Variants in TAFA5 observed in about 807,000 individuals in gnomAD.
TAFA5 encodes chemokine-like protein TAFA-5.
Under a neutral mutation model 15.3 loss-of-function variants are expected in TAFA5, and 6 were observed. The ratio of observed to expected loss-of-function variants is 0.39; its 90% CI spans 0.21 to 0.77. TAFA5 has a LOEUF of 0.77. Among genes scored for constraint, TAFA5 ranks in the 30% least tolerant of loss-of-function variants. TAFA5 has a pLI of 0.41. For synonymous variants in TAFA5, 103 were observed against 80.7 expected (o/e 1.28, Z -1.48); for missense variants, 161 against 193.1 (o/e 0.83, Z 0.98).
In TAFA5 at chr22:48,516,907, G is replaced by A. The variant is rs568263835; in HGVS notation, c.112+27203G>A. On this transcript the variant is annotated intron_variant, in intron 1 of 3. Coordinates refer to ENST00000402357, the MANE Select transcript of TAFA5 (RefSeq NM_001082967.3). ...CCATCCAGGTCCTGCTCTCAGAGGGGTCTGGCTGCCCTTACAGACTTTCAA... is the reference window on the plus strand; with the variant it reads ...CCATCCAGGTCCTGCTCTCAGAGGGATCTGGCTGCCCTTACAGACTTTCAA... 1.2e-4 allele frequency among the ~76,000 whole-genome samples: 18 copies of A among 152,318 alleles called. No individual in the cohort carries two copies. In the South Asian group the frequency reaches 3.5e-3, roughly 30 times the overall value.
rs547143970 is a variant in TAFA5 at position 48,574,287 on chromosome 22, C to T, written c.113-72310C>T. 7.8e-4 allele frequency among the ~76,000 whole-genome samples: 119 copies of T among 152,106 alleles called. No homozygotes were observed. In the Middle Eastern group the frequency reaches 0.01, roughly 13 times the overall value. On this transcript the variant is annotated intron_variant, in intron 1 of 3. Transcript: ENST00000402357. ...CATTCTTGTCTCTCCTGGATGTTTT[C>T]GGGGGCAGGTGGAGGGTGATGAGCC... is the stretch of plus-strand genomic sequence containing the variant.
chr22:48,527,940 A>G (rs1324975451), intron 1 of TAFA5, among the ~76,000 whole-genome samples: 1 of 152,202 alleles, frequency 6.6e-6, no homozygotes, highest in East Asian at 1.9e-4. Context: ...GCTCTTCTTC[A>G]GGCACTTCTG....
At chr22:48,666,005 C>T (rs115867107) in intron 2 of TAFA5, among the ~76,000 whole-genome samples, 2,923 of 145,744 alleles carry the variant, frequency 0.02, 48 homozygotes, top group Admixed American at 0.039. Context: ...CCCATGGGAA[C>T]GAGGGGCCTG....
intron 1 of TAFA5, among the ~76,000 whole-genome samples, chr22:48,532,269 C>T (rs138382665): frequency 7.2e-5 from 11 of 152,348 alleles, no homozygotes; most frequent in African/African-American, 2.6e-4. Flanking sequence ...TAGGAGATTA[C>T]GGAGGCCGCA....
chr22:48,670,140 C>G (rs1927755413), intron 2 of TAFA5, among the ~76,000 whole-genome samples: 2 of 152,206 alleles, frequency 1.3e-5, no homozygotes, highest in Non-Finnish European at 2.9e-5. Flanking sequence ...GGACAGCTCT[C>G]CGGGCTGTGC....
intron 3 of TAFA5, among the ~76,000 whole-genome samples, chr22:48,718,513 C>A (rs1022748941): frequency 6.6e-6 from 1 of 152,116 alleles, no homozygotes; most frequent in Non-Finnish European, 1.5e-5. Context: ...TCCTCCCGTG[C>A]GACCTGTGTC....
chr22:48,701,917 C>T (rs748090899), intron 2 of TAFA5, among the ~76,000 whole-genome samples: 13 of 152,214 alleles, frequency 8.5e-5, no homozygotes, highest in East Asian at 1.9e-4. Context: ...GCAGCGGCTG[C>T]GTCATCCCGG....
At chr22:48,745,253 C>T (rs1012360398) in intron 3 of TAFA5, among the ~76,000 whole-genome samples, 15 of 151,556 alleles carry the variant, frequency 9.9e-5, no homozygotes, top group African/African-American at 1.5e-4. Context: ...TTGTCGGCGG[C>T]GGCTGGCCTG....
At chr22:48,496,719 G>A (rs1159953411) in intron 1 of TAFA5, among the ~76,000 whole-genome samples, 2 of 152,188 alleles carry the variant, frequency 1.3e-5, no homozygotes, top group African/African-American at 4.8e-5. Flanking sequence ...CAGGTGCACC[G>A]CAGGGAGAGT....
At position 48,592,894 on chromosome 22, in the gene TAFA5, A is replaced by G. The variant is rs774286148; in HGVS notation, c.113-53703A>G. 7.7e-4 allele frequency among the ~76,000 whole-genome samples: 117 copies of G among 152,140 alleles called. 1 individual carries two copies. The highest frequency in any genetic ancestry group is 6.5e-4 in the Admixed American group (10 of 15,268). ...CGTGGTGGTCCCAGGGGTCTCTCAG[A>G]AAGACACCTACCTGGGGACAGAGGG... On this transcript the variant is annotated intron_variant, in intron 1 of 3. Coordinates refer to ENST00000402357, the MANE Select transcript of TAFA5 (RefSeq NM_001082967.3).
chr22:48,582,541 A>G (rs1415207712), intron 1 of TAFA5, among the ~76,000 whole-genome samples: 5 of 151,240 alleles, frequency 3.3e-5, no homozygotes, highest in African/African-American at 1.2e-4. Flanking sequence ...AAAATACACC[A>G]CATACCACAC....
At chr22:48,517,339 C>T (rs1601844339) in intron 1 of TAFA5, among the ~76,000 whole-genome samples, 1 of 152,198 alleles carries the variant, frequency 6.6e-6, no homozygotes, top group Non-Finnish European at 1.5e-5. Flanking sequence ...GGTCCCAGGT[C>T]CTGGGTCCCT....
intron 1 of TAFA5, among the ~76,000 whole-genome samples, chr22:48,603,380 C>A (rs2147167014): frequency 6.6e-6 from 1 of 152,372 alleles, no homozygotes; most frequent in Non-Finnish European, 1.5e-5. Context: ...CACGGCACCA[C>A]CACGCTGGGC....
chr22:48,528,766 C>T (rs1453205116), intron 1 of TAFA5, among the ~76,000 whole-genome samples: 3 of 152,208 alleles, frequency 2.0e-5, no homozygotes, highest in Non-Finnish European at 4.4e-5. Flanking sequence ...GGCCGGTGGG[C>T]GGGGCCCCAC....
At chr22:48,623,795 G>C (rs1424814953) in intron 1 of TAFA5, among the ~76,000 whole-genome samples, 4 of 152,200 alleles carry the variant, frequency 2.6e-5, no homozygotes, top group Non-Finnish European at 5.9e-5. Context: ...AACAGAACTT[G>C]GTCCATTTTC....
chr22:48,571,899 G>A (rs1359152764), intron 1 of TAFA5, among the ~76,000 whole-genome samples: 1 of 151,928 alleles, frequency 6.6e-6, no homozygotes, highest in African/African-American at 2.4e-5. Flanking sequence ...CCACAGCCCA[G>A]TCTTCATTCA....
intron 1 of TAFA5, among the ~76,000 whole-genome samples, chr22:48,591,118 A>T (rs966860768): frequency 6.6e-6 from 1 of 152,112 alleles, no homozygotes; most frequent in Non-Finnish European, 1.5e-5. Flanking sequence ...TCCCAAAGTC[A>T]TGATTTGTTC....
chr22:48,538,692 T>C (rs1922255258), intron 1 of TAFA5, among the ~76,000 whole-genome samples: 1 of 152,198 alleles, frequency 6.6e-6, no homozygotes, highest in South Asian at 2.1e-4. Context: ...CTTCCCGGCA[T>C]GGTCTTGCCG....
chr22:48,739,060 T>C (rs1443500859), intron 3 of TAFA5, among the ~76,000 whole-genome samples: 8 of 152,184 alleles, frequency 5.3e-5, no homozygotes, highest in African/African-American at 1.9e-4. Context: ...TCGTGGTCTA[T>C]CTGCAAAAGC....
Sources: gnomAD v4.1 joint callset for allele counts (sites outside exome capture counted in the v4.1 genomes callset) on GRCh38, gnomAD v4.1.1 for gene constraint, MANE v1.5 for transcripts, NCBI Gene and HGNC (gene_info 2026-07-23, HGNC 2026-07-21) for gene names.